DST: variants seen among roughly 807,000 people sequenced by gnomAD.
DST encodes the protein bullous pemphigoid antigen.
A neutral mutation model predicts 875.2 loss-of-function variants in DST; 253 were observed. The ratio of observed to expected loss-of-function variants is 0.29; its 90% CI spans 0.26 to 0.32. DST has a LOEUF of 0.32. Among genes scored for constraint, DST ranks in the 10% least tolerant of loss-of-function variants. The pLI is 1.00. For missense variants in DST, 8,287 were observed against 9,111.6 expected (o/e 0.91, Z 3.68); for synonymous variants, 3,124 against 3,197.1 (o/e 0.98, Z 0.77).
chr6:56,737,465 T>C (rs990600691), intron 4 of DST, among the ~76,000 whole-genome samples: 1 of 152,236 alleles, frequency 6.6e-6, no homozygotes, highest in Non-Finnish European at 1.5e-5. Context: ...TAAACCAAAG[T>C]TAATTAAAGC....
intron 4 of DST, among the ~76,000 whole-genome samples, chr6:56,845,744 C>T (rs1370604154): frequency 6.6e-6 from 1 of 152,124 alleles, no homozygotes; most frequent in East Asian, 1.9e-4. Context: ...CACGTCTGAG[C>T]CTTCATCAGA....
In DST at chr6:56,605,750, T is replaced by C; in HGVS notation, c.8878A>G (p.Lys2960Glu). 6.2e-7 allele frequency: 1 copy of C among 1,612,826 alleles called. No individual in the cohort carries two copies. Among genetic ancestry groups the C allele is most frequent in the Non-Finnish European group, 8.5e-7 (1 of 1,179,328 alleles). ...SELGTDLANTKVKLIQGSELP... is the reference protein window; with the variant it reads ...SELGTDLANTEVKLIQGSELP... ...TCTGACCCTTGAATCAACTTAACCTTTGTGTTTGCTAGATCAGTACCTAAT... is the reference window on the plus strand; with the variant it reads ...TCTGACCCTTGAATCAACTTAACCTCTGTGTTTGCTAGATCAGTACCTAAT... Residue 2960 changes from lysine (K) to glutamate (E), a missense_variant, in exon 40 of 104, where the codon AAG (lysine) becomes GAG (glutamate). Lys to Glu is a moderately conservative substitution (Grantham distance 56). Coordinates refer to ENST00000680361, the MANE Select transcript of DST (RefSeq NM_001374736.1).
chr6:56,540,057 G>C (rs1292112857), intron 61 of DST, among the ~76,000 whole-genome samples: 1 of 152,186 alleles, frequency 6.6e-6, no homozygotes, highest in Non-Finnish European at 1.5e-5. Flanking sequence ...ACCCTGAACA[G>C]CTGGGAATAT....
At chr6:56,506,876 T>C in intron 75 of DST, 87 bp from the exon 76 acceptor site, 1 of 1,320,440 alleles carries the variant, frequency 7.6e-7, no homozygotes, top group African/African-American at 1.5e-5. Flanking sequence ...ATGGTAGTTA[T>C]TTCTAGAAGG....
At chr6:56,843,202 G>C in intron 4 of DST, 2 of 1,465,774 alleles carry the variant, frequency 1.4e-6, no homozygotes, top group Non-Finnish European at 1.8e-6. Flanking sequence ...CGTAACCCCC[G>C]GACAGTATCG....
At chr6:56,900,804 A>C (rs568321901) in intron 2 of DST, among the ~76,000 whole-genome samples, 183 bp from the exon 3 acceptor site, 1 of 152,130 alleles carries the variant, frequency 6.6e-6, no homozygotes, top group South Asian at 2.1e-4. Context: ...GTGTTCTTTA[A>C]AGCACCCCAG....
At position 56,485,354 on chromosome 6, in the gene DST, A is replaced by T; in HGVS notation, c.21165T>A (p.His7055Gln). Residue 7055 changes from histidine (H) to glutamine (Q), a missense_variant, in exon 88 of 104, where the codon CAT becomes CAA. By Grantham distance (24) the His-to-Gln change is conservative. Around this residue, in one of 10 missense-constraint regions of DST, gnomAD observed 1,292 missense variants for 1,552.7 expected, o/e 0.83. Transcript: ENST00000680361. ...GATTCATCACCAAATCAATGTCTCCATGAACAGGCTGGTCTTCTGCCAGCT... is the reference window on the plus strand; with the variant it reads ...GATTCATCACCAAATCAATGTCTCCTTGAACAGGCTGGTCTTCTGCCAGCT... ...EPQLAEDQPV[H>Q]GDIDLVMNLI... The T allele has an allele frequency of 6.2e-7, 1 of 1,613,898 alleles. No homozygotes were observed. The highest frequency in any genetic ancestry group is 8.5e-7 in the Non-Finnish European group (1 of 1,179,832).
At chr6:56,687,966 T>C (rs2099199856) in intron 9 of DST, among the ~76,000 whole-genome samples, 1 of 152,196 alleles carries the variant, frequency 6.6e-6, no homozygotes, top group African/African-American at 2.4e-5. Flanking sequence ...ATAACTACTT[T>C]GAACAAATTA....
At chr6:56,897,197 T>C (rs1415000664) in intron 3 of DST, among the ~76,000 whole-genome samples, 3 of 151,926 alleles carry the variant, frequency 2.0e-5, no homozygotes, top group Non-Finnish European at 4.4e-5. Flanking sequence ...CCCAAACTTT[T>C]CTATTTGTTG....
At position 56,616,316 on chromosome 6, in the gene DST, G is replaced by A. The variant is rs374183968; in HGVS notation, c.4930-1832C>T. 20 of 1,613,518 alleles carry A rather than the reference G, an allele frequency of 1.2e-5. No individual in the cohort carries two copies. The highest frequency in any genetic ancestry group is 1.1e-4 in the South Asian group (10 of 91,072). On this transcript the variant is annotated intron_variant, in intron 36 of 103. Transcript: ENST00000680361. ...CAGCATATGAGAAGAATGCCCATAG[G>A]ATTCAAAAAACATAGCTTCCTTCCA... is the stretch of plus-strand genomic sequence containing the variant.
chr6:56,474,031 A>G (rs754949171), intron 92 of DST, 29 bp from the exon 93 acceptor site: 2 of 1,555,448 alleles, frequency 1.3e-6, no homozygotes, highest in Non-Finnish European at 1.7e-6. Context: ...TGTCAATCAA[A>G]TAAGAGTTAC....
intron 2 of DST, among the ~76,000 whole-genome samples, chr6:56,911,111 G>C (rs573472578): frequency 1.3e-5 from 2 of 152,318 alleles, no homozygotes; most frequent in South Asian, 4.1e-4. Context: ...TTGACACTTA[G>C]GCTGTGTCTA....
intron 33 of DST, 151 bp downstream of exon 33, chr6:56,627,848 T>C: frequency 2.8e-6 from 2 of 702,754 alleles, no homozygotes; most frequent in Non-Finnish European, 4.7e-6. Flanking sequence ...TGTATGTAGG[T>C]TTGGGTTGCA....
chr6:56,706,818 T>C (rs2099341708), intron 5 of DST, among the ~76,000 whole-genome samples: 2 of 152,078 alleles, frequency 1.3e-5, no homozygotes, highest in African/African-American at 4.8e-5. Flanking sequence ...CTGGCCAACA[T>C]GGCAAAACCC....
At chr6:56,506,363 G>A in intron 77 of DST, 80 bp downstream of exon 77, 1 of 1,117,310 alleles carries the variant, frequency 9.0e-7, no homozygotes, top group Non-Finnish European at 1.3e-6. Flanking sequence ...CAGATCTTGA[G>A]GTGGTGCCAA....
At chr6:56,488,554 C>A (rs1187411814) in intron 86 of DST, among the ~76,000 whole-genome samples, 2 of 152,174 alleles carry the variant, frequency 1.3e-5, no homozygotes, top group Non-Finnish European at 2.9e-5. Context: ...TGTTTCCTCC[C>A]ATCCCTCTAA....
At chr6:56,742,869 T>C (rs1403063034) in intron 4 of DST, among the ~76,000 whole-genome samples, 1 of 152,244 alleles carries the variant, frequency 6.6e-6, no homozygotes, top group Non-Finnish European at 1.5e-5. Context: ...TGGGTATTTC[T>C]TTATGTATGC....
intron 16 of DST, 61 bp downstream of exon 16, chr6:56,642,349 T>C: frequency 8.2e-7 from 1 of 1,212,306 alleles, no homozygotes; most frequent in South Asian, 1.2e-5. Flanking sequence ...AAAGTTTTAG[T>C]TCATCCAAAC....
intron 2 of DST, among the ~76,000 whole-genome samples, chr6:56,932,501 C>T (rs1192908756): frequency 1.3e-5 from 2 of 151,972 alleles, no homozygotes; most frequent in African/African-American, 4.8e-5. Context: ...GAACAGGCAG[C>T]CGGGAGGCAA....
Sources: allele counts gnomAD v4.1 joint callset (sites outside exome capture counted in the v4.1 genomes callset), GRCh38; gene constraint gnomAD v4.1.1; regional missense constraint gnomAD v4.1.1; transcripts MANE v1.5; gene names NCBI Gene and HGNC (gene_info 2026-07-23, HGNC 2026-07-21).